The following GARRE1 variants were observed in gnomAD, a reference collection of about 807,000 sequenced individuals.
The protein encoded by GARRE1 is granule associated Rac and RHOG effector protein 1.
GARRE1 carries 49 observed loss-of-function variants against 103.2 expected under a neutral mutation model. That is an observed-to-expected ratio of 0.47 (90% CI 0.38 to 0.60). GARRE1 has a LOEUF of 0.60. GARRE1 is among the 20% of genes least tolerant of loss of function. The probability of loss-of-function intolerance (pLI) is 0.00; values close to 1 mark genes in which losing one functional copy is unlikely to be tolerated. For synonymous variants in GARRE1, 505 were observed against 532.8 expected (o/e 0.95, Z 0.72); for missense variants, 1,199 against 1,370.5 (o/e 0.87, Z 1.98).
At chr19:34,335,304 G>T (rs1324377327) in intron 8 of GARRE1, among the ~76,000 whole-genome samples, 2 of 152,162 alleles carry the variant, frequency 1.3e-5, no homozygotes, top group Non-Finnish European at 2.9e-5. Context: ...TTCACATTCA[G>T]CTATAAGGAT....
intron 1 of GARRE1, among the ~76,000 whole-genome samples, chr19:34,289,733 A>G (rs34876727): frequency 0.058 from 8,712 of 150,294 alleles, 394 homozygotes; most frequent in East Asian, 0.17. Context: ...AAAAAAAAAA[A>G]TAAAAAAAAG....
Position 34,300,482 on chromosome 19 carries a change from C to G in GARRE1, c.9C>G (p.Cys3Trp). The change falls in exon 2 of 14, where the codon TGC becomes TGG. Residue 3 changes from cysteine to tryptophan, a missense_variant. Coordinates refer to ENST00000299505, the MANE Select transcript of GARRE1 (RefSeq NM_014686.5). MY[C>W]CSAQDSKMDY... The stretch of plus-strand genomic sequence containing the variant: ...ACAATTCCCCCTCCCGCATGTATTG[C>G]TGCAGTGCCCAGGACAGTAAAATGG... 2 of 1,572,354 alleles carry G rather than the reference C, an allele frequency of 1.3e-6. No individual in the cohort carries two copies. Among genetic ancestry groups the G allele is most frequent in the Non-Finnish European group, 1.7e-6 (2 of 1,154,866 alleles).
chr19:34,276,971 G>A (rs1027173768), intron 1 of GARRE1, among the ~76,000 whole-genome samples: 4 of 152,156 alleles, frequency 2.6e-5, no homozygotes, highest in Admixed American at 2.6e-4. Flanking sequence ...GTAGGGGTGA[G>A]GTGACCCTAG....
At chr19:34,302,745 T>C (rs1241864568) in intron 2 of GARRE1, among the ~76,000 whole-genome samples, 2 of 150,730 alleles carry the variant, frequency 1.3e-5, no homozygotes, top group African/African-American at 4.9e-5. Context: ...AGTTTTTTTT[T>C]TTTTTTTTTT....
At chr19:34,334,044 A>G (rs1483188863) in intron 8 of GARRE1, among the ~76,000 whole-genome samples, 1 of 152,150 alleles carries the variant, frequency 6.6e-6, no homozygotes, top group Admixed American at 6.5e-5. Flanking sequence ...AATGTTATAT[A>G]CTCTTGGATC....
At chr19:34,301,296 T>A (rs1002145833) in intron 2 of GARRE1, among the ~76,000 whole-genome samples, 1 of 151,866 alleles carries the variant, frequency 6.6e-6, no homozygotes, top group African/African-American at 2.4e-5. Flanking sequence ...GGTGTGGTGG[T>A]GTGCACCTGT....
chr19:34,283,663 C>T lies in GARRE1; in HGVS notation c.-795-16016C>T, dbSNP rs78756498. ...ACAGCCAAGATCTCACCCTATTAGT[C>T]AGACGCCCAGGGCCATTCTCTTCTT... On this transcript the variant is annotated intron_variant, in intron 1 of 13. Transcript: ENST00000299505. Among the ~76,000 whole-genome samples the T allele has an allele frequency of 2.6e-3, 398 of 152,212 alleles. 6 individuals carry two copies. In the East Asian group the frequency reaches 0.064, roughly 24 times the overall value.
chr19:34,351,384 A>C (rs2074236015), intron 12 of GARRE1, 130 bp from the exon 13 acceptor site: 1 of 696,884 alleles, frequency 1.4e-6, no homozygotes, highest in African/African-American at 1.8e-5. Flanking sequence ...TATGCCATTG[A>C]CCCAGGCAGG....
At chr19:34,305,295 A>T (rs964796780) in intron 2 of GARRE1, among the ~76,000 whole-genome samples, 3 of 152,040 alleles carry the variant, frequency 2.0e-5, no homozygotes, top group East Asian at 1.9e-4. Flanking sequence ...TGCAGCTTTG[A>T]CTTTTACATA....
chr19:34,331,482 A>G (rs2074137724), intron 7 of GARRE1, among the ~76,000 whole-genome samples: 1 of 152,252 alleles, frequency 6.6e-6, no homozygotes, highest in South Asian at 2.1e-4. Context: ...CAGTCACTGT[A>G]TACCGCTGCT....
rs565746767 is a variant in GARRE1, at chr19:34,321,599, G to A, written c.705+1483G>A. Among the ~76,000 whole-genome samples the A allele has an allele frequency of 4.6e-5, 7 of 151,946 alleles. No homozygotes were observed. In the East Asian group the frequency reaches 5.8e-4, roughly 13 times the overall value. On this transcript the variant is annotated intron_variant, in intron 3 of 13. Coordinates refer to ENST00000299505, the MANE Select transcript of GARRE1 (RefSeq NM_014686.5). Reference sequence around the variant, plus strand: ...CTCCCAAGTAGCTGGGATTACAGGCGCCCGCCACCATGCCCGGCTAATTTT... The same window carrying A: ...CTCCCAAGTAGCTGGGATTACAGGCACCCGCCACCATGCCCGGCTAATTTT...
chr19:34,292,777 C>T lies in GARRE1; in HGVS notation c.-795-6902C>T, dbSNP rs2073925491. 2.6e-5 allele frequency among the ~76,000 whole-genome samples: 4 copies of T among 151,390 alleles called. No individual in the cohort carries two copies. The South Asian group carries it at 6.2e-4, about 24-fold the overall frequency. ...TTTTTTTGAGTCTCGCTCCATCACCCAGGGTGGAATGCAGTGGCGTGATCT... is the reference window on the plus strand; with the variant it reads ...TTTTTTTGAGTCTCGCTCCATCACCTAGGGTGGAATGCAGTGGCGTGATCT... On this transcript the variant is annotated intron_variant, in intron 1 of 13. Coordinates refer to ENST00000299505, the MANE Select transcript of GARRE1 (RefSeq NM_014686.5).
intron 1 of GARRE1, among the ~76,000 whole-genome samples, chr19:34,287,261 A>G (rs1385736015): frequency 6.6e-6 from 1 of 152,154 alleles, no homozygotes; most frequent in African/African-American, 2.4e-5. Flanking sequence ...TCCTGATTCT[A>G]GTATCAGAGA....
Position 34,333,576 on chromosome 19 carries a change from C to T in GARRE1, c.1264-128C>T, listed in dbSNP as rs960712378. 6.4e-6 allele frequency: 4 copies of T among 626,380 alleles called. No individual in the cohort carries two copies. In the African/African-American group the frequency reaches 7.4e-5, roughly 12 times the overall value. 38.8% of individuals were successfully genotyped at this position (626,380 alleles called of 1,614,324 possible). On this transcript the variant is annotated intron_variant, in intron 7 of 13. Transcript: ENST00000299505. ...TTGTCTTCACGGGGCCCTGACTGGC[C>T]TTGGCATAACTAGGCTGCTAGGGGA...
intron 1 of GARRE1, among the ~76,000 whole-genome samples, chr19:34,274,340 G>GGT (rs2073804665): frequency 6.6e-6 from 1 of 152,064 alleles, no homozygotes; most frequent in Non-Finnish European, 1.5e-5. Flanking sequence ...AGGAGGCGGA[G>GGT]GTTGCAGTGA....
intron 3 of GARRE1, among the ~76,000 whole-genome samples, chr19:34,322,565 C>G (rs2074094134): frequency 1.3e-5 from 2 of 152,236 alleles, no homozygotes; most frequent in Admixed American, 1.3e-4. Context: ...TTAGGACTTA[C>G]TGCTCCATTT....
chr19:34,341,090 G>A (rs1381098178), intron 9 of GARRE1, among the ~76,000 whole-genome samples: 1 of 152,184 alleles, frequency 6.6e-6, no homozygotes, highest in African/African-American at 2.4e-5. Context: ...TTGCGTGGCT[G>A]TAGCCCCTGT....
intron 8 of GARRE1, among the ~76,000 whole-genome samples, chr19:34,338,977 T>C (rs1182817351): frequency 1.3e-5 from 2 of 152,098 alleles, no homozygotes; most frequent in African/African-American, 2.4e-5. Context: ...AGGGGGTTCA[T>C]AAACAAGGTG....
intron 2 of GARRE1, among the ~76,000 whole-genome samples, chr19:34,311,817 G>C (rs2074038255): frequency 6.6e-6 from 1 of 151,808 alleles, no homozygotes; most frequent in Admixed American, 6.6e-5. Flanking sequence ...CACCATGTTG[G>C]TCAGGCTGGT....
Sources: gnomAD v4.1 joint callset for allele counts (sites outside exome capture counted in the v4.1 genomes callset) on GRCh38, gnomAD v4.1.1 for gene constraint, MANE v1.5 for transcripts, NCBI Gene and HGNC (gene_info 2026-07-23, HGNC 2026-07-21) for gene names.